The following VPS41 variants were observed in gnomAD, a reference collection of about 807,000 sequenced individuals.
VPS41 encodes the protein VPS41 subunit of HOPS complex, also known as vacuolar protein sorting-associated protein 41 homolog.
VPS41 carries 85 observed loss-of-function variants against 130.9 expected under a neutral mutation model. The observed-to-expected ratio is 0.65, with a 90% confidence interval of 0.55 to 0.78. The LOEUF (loss-of-function observed/expected upper bound fraction) is 0.78, where lower values mean the gene tolerates loss of function less well. Ranked by LOEUF, VPS41 falls within the 30% of genes least tolerant of loss-of-function variation. The pLI is 0.00. For synonymous variants in VPS41, 335 were observed against 332.9 expected (o/e 1.01, Z -0.07); for missense variants, 874 against 1,018.7 (o/e 0.86, Z 1.93).
At chr7:38,906,413 T>C (rs757765745) in intron 1 of VPS41, among the ~76,000 whole-genome samples, 1 of 151,956 alleles carries the variant, frequency 6.6e-6, no homozygotes, top group Non-Finnish European at 1.5e-5. Flanking sequence ...GGCACGATCA[T>C]GGCTCACTGC....
At chr7:38,767,407 T>C (rs1418337178) in intron 15 of VPS41, 130 bp downstream of exon 15, 1 of 470,342 alleles carries the variant, frequency 2.1e-6, no homozygotes. Context: ...AAAAATAATA[T>C]TCAAAAATTA....
chr7:38,765,702 T>TA (rs752321883), intron 15 of VPS41, 41 bp from the exon 16 acceptor site: 19 of 1,356,298 alleles, frequency 1.4e-5, no homozygotes, highest in Middle Eastern at 1.8e-4. Context: ...AAGTATATAT[T>TA]AAAAAAACAA....
intron 7 of VPS41, among the ~76,000 whole-genome samples, chr7:38,814,961 A>T (rs1003701105): frequency 9.2e-5 from 14 of 152,188 alleles, no homozygotes; most frequent in African/African-American, 3.1e-4. Context: ...GCCCCGGTCA[A>T]GCAGCTCCAA....
chr7:38,801,058 T>C (rs1784716087), intron 7 of VPS41, among the ~76,000 whole-genome samples: 1 of 152,230 alleles, frequency 6.6e-6, no homozygotes, highest in African/African-American at 2.4e-5. Context: ...TGCTCCGAGC[T>C]ATGGGAGGAA....
At chr7:38,807,681 C>T (rs1784867460) in intron 7 of VPS41, among the ~76,000 whole-genome samples, 1 of 152,178 alleles carries the variant, frequency 6.6e-6, no homozygotes, top group South Asian at 2.1e-4. Flanking sequence ...CCAAATACTC[C>T]TGTGAAATGA....
At chr7:38,758,846 TA>T (rs1419036983) in intron 17 of VPS41, among the ~76,000 whole-genome samples, 2 of 152,186 alleles carry the variant, frequency 1.3e-5, no homozygotes, top group African/African-American at 4.8e-5. Flanking sequence ...AAGCTTTCAT[TA>T]AAACCCAAAA....
intron 25 of VPS41, among the ~76,000 whole-genome samples, chr7:38,731,108 C>T (rs1233188682): frequency 6.6e-6 from 1 of 152,140 alleles, no homozygotes; most frequent in African/African-American, 2.4e-5. Flanking sequence ...ATTCAAGGCT[C>T]CCAATCAGAA....
chr7:38,727,054 C>A lies in VPS41; in HGVS notation c.2405-66G>T. ...CAAGCAAGATCATTTTAAACCAATCCCGACTGAAAGTCGAGTTGCAGTTTA... is the reference window on the plus strand; with the variant it reads ...CAAGCAAGATCATTTTAAACCAATCACGACTGAAAGTCGAGTTGCAGTTTA... On this transcript the variant is annotated intron_variant, in intron 27 of 28. Coordinates refer to ENST00000310301, the MANE Select transcript of VPS41 (RefSeq NM_014396.4). The A allele has an allele frequency of 2.2e-6, 3 of 1,384,404 alleles. No homozygotes were observed. The South Asian group carries it at 5.2e-5, about 24-fold the overall frequency. 85.8% of individuals were successfully genotyped at this position (1,384,404 alleles called of 1,614,324 possible).
At chr7:38,828,557 C>T (rs182987399) in intron 5 of VPS41, among the ~76,000 whole-genome samples, 1,623 of 152,214 alleles carry the variant, frequency 0.011, 15 homozygotes, top group South Asian at 0.02. Flanking sequence ...ATATTTTTAT[C>T]ATCACCAACC....
intron 7 of VPS41, among the ~76,000 whole-genome samples, chr7:38,809,654 T>A (rs1368776407): frequency 6.6e-6 from 1 of 152,066 alleles, no homozygotes; most frequent in African/African-American, 2.4e-5. Flanking sequence ...TTTCATTCAC[T>A]CCAGTCCTTT....
chr7:38,772,601 C>T lies in VPS41; in HGVS notation c.1049G>A (p.Ser350Asn), dbSNP rs1431452578. 7.4e-6 allele frequency: 12 copies of T among 1,613,408 alleles called. No individual in the cohort carries two copies. The highest frequency in any genetic ancestry group is 9.3e-6 in the Non-Finnish European group (11 of 1,179,554). ...SEGESLFYIV[S>N]PRDVVVAKER... ...CTTGGCCACTACAACATCTCTCGGA[C>T]TCACGATGTAAAAAAGTGATTCCCC... Residue 350 changes from serine (S) to asparagine (N), a missense_variant, in exon 13 of 29, where the codon AGT (serine) becomes AAT (asparagine). Coordinates refer to ENST00000310301, the MANE Select transcript of VPS41 (RefSeq NM_014396.4).
intron 10 of VPS41, among the ~76,000 whole-genome samples, chr7:38,777,951 CTT>C (rs1355474577): frequency 1.3e-5 from 2 of 151,728 alleles, no homozygotes; most frequent in African/African-American, 4.9e-5. Flanking sequence ...TTGTCCCCCT[CTT>C]TCTTTCCCTT....
At chr7:38,779,547 T>C (rs1340780070) in intron 10 of VPS41, among the ~76,000 whole-genome samples, 1 of 152,224 alleles carries the variant, frequency 6.6e-6, no homozygotes, top group Non-Finnish European at 1.5e-5. Flanking sequence ...TAATGTGAGT[T>C]GCTGATTTAG....
chr7:38,820,065 C>G (rs1041482478), intron 6 of VPS41, among the ~76,000 whole-genome samples: 1 of 152,108 alleles, frequency 6.6e-6, no homozygotes, highest in Non-Finnish European at 1.5e-5. Flanking sequence ...CATCCCACAC[C>G]CCATCCCCAA....
At chr7:38,838,493 T>G (rs529343497) in intron 4 of VPS41, among the ~76,000 whole-genome samples, 3 of 152,324 alleles carry the variant, frequency 2.0e-5, no homozygotes. Context: ...CTCAGCTGTA[T>G]TTTCCATTAG....
intron 2 of VPS41, among the ~76,000 whole-genome samples, chr7:38,889,336 T>C (rs1431082998): frequency 6.9e-6 from 1 of 145,736 alleles, no homozygotes; most frequent in Non-Finnish European, 1.5e-5. Flanking sequence ...AAAGACCTTA[T>C]AATTAAACTT....
chr7:38,760,569 T>C (rs1213011057), intron 17 of VPS41, among the ~76,000 whole-genome samples: 2 of 152,044 alleles, frequency 1.3e-5, no homozygotes, highest in Non-Finnish European at 2.9e-5. Flanking sequence ...TACTTATTTA[T>C]TTATTTATTT....
rs533581882 is a variant in VPS41, at chr7:38,728,796, T to C, written c.2260-5A>G. ...GCAGCCTTCACGAAGCAGAATCTAA[T>C]GCATACATTTTAAAAGAAAAGCCAT... On this transcript the variant is annotated splice_polypyrimidine_tract_variant and splice_region_variant and intron_variant, in intron 25 of 28. Transcript: ENST00000310301. The C allele has an allele frequency of 1.2e-6, 2 of 1,613,652 alleles. No individual in the cohort carries two copies. Among genetic ancestry groups the C allele is most frequent in the South Asian group, 1.1e-5 (1 of 91,082 alleles).
intron 21 of VPS41, among the ~76,000 whole-genome samples, chr7:38,753,890 A>C (rs191168399): frequency 6.6e-5 from 10 of 152,288 alleles, no homozygotes; most frequent in Middle Eastern, 3.4e-3. Context: ...CTTTTGAAAA[A>C]AATGCTCTAT....
Sources: allele counts gnomAD v4.1 joint callset (sites outside exome capture counted in the v4.1 genomes callset), GRCh38; gene constraint gnomAD v4.1.1; transcripts MANE v1.5; gene names NCBI Gene and HGNC (gene_info 2026-07-23, HGNC 2026-07-21).